Variants in AGBL1 observed in about 807,000 individuals in gnomAD.
AGBL1 encodes cytosolic carboxypeptidase 4.
AGBL1 carries 130 observed loss-of-function variants against 118.9 expected under a neutral mutation model. The ratio of observed to expected loss-of-function variants is 1.09; its 90% CI spans 0.95 to 1.26. AGBL1 has a LOEUF of 1.26. Ranked by LOEUF, AGBL1 falls within the 50% of genes most tolerant of loss-of-function variation. AGBL1 has a pLI of 0.00. For missense variants in AGBL1, 1,584 were observed against 1,298.1 expected (o/e 1.22, Z -3.38); for synonymous variants, 555 against 478.9 (o/e 1.16, Z -2.08).
intron 24 of AGBL1, among the ~76,000 whole-genome samples, chr15:87,014,729 C>T (rs1461751523): frequency 1.3e-5 from 2 of 152,132 alleles, no homozygotes; most frequent in South Asian, 2.1e-4. Flanking sequence ...TCTTTTATCA[C>T]TTGTACTGCC....
At chr15:86,535,462 G>T (rs973961771) in intron 19 of AGBL1, among the ~76,000 whole-genome samples, 1 of 152,188 alleles carries the variant, frequency 6.6e-6, no homozygotes, top group South Asian at 2.1e-4. Flanking sequence ...CAGCTGGCCT[G>T]GCCCCTGTGC....
chr15:86,692,945 T>A (rs1466951662), intron 22 of AGBL1, among the ~76,000 whole-genome samples: 1 of 152,196 alleles, frequency 6.6e-6, no homozygotes, highest in Non-Finnish European at 1.5e-5. Flanking sequence ...AATTTGTTCC[T>A]TTTTATGGCT....
intron 21 of AGBL1, among the ~76,000 whole-genome samples, chr15:86,583,163 A>ATT (rs201239673): frequency 6.6e-6 from 1 of 151,716 alleles, no homozygotes; most frequent in South Asian, 2.1e-4. Flanking sequence ...AAAAAAAAAA[A>ATT]TTCAACTTTT....
Position 86,735,922 on chromosome 15 carries a change from C to T in AGBL1, c.3158+61486C>T, listed in dbSNP as rs1203698164. Among the ~76,000 whole-genome samples the T allele has an allele frequency of 2.6e-5, 4 of 152,138 alleles. No homozygotes were observed. In the East Asian group the frequency reaches 7.8e-4, roughly 29 times the overall value. On this transcript the variant is annotated intron_variant, in intron 22 of 22. Coordinates refer to ENST00000614907, the MANE Select transcript of AGBL1 (RefSeq NM_001386094.1). ...AGATACGACTTTTATGCTCACTTTG[C>T]TCTTGATTCTCATTGCTTATTCATT...
chr15:86,673,639 T>C (rs1250124137), intron 21 of AGBL1, among the ~76,000 whole-genome samples: 2 of 152,280 alleles, frequency 1.3e-5, no homozygotes, highest in African/African-American at 2.4e-5. Context: ...CTTAGAAGGG[T>C]ATTTGGCATG....
intron 18 of AGBL1, among the ~76,000 whole-genome samples, chr15:86,409,816 G>A (rs1050563013): frequency 5.3e-5 from 8 of 151,982 alleles, no homozygotes; most frequent in African/African-American, 1.7e-4. Flanking sequence ...TTCATTGGCC[G>A]GGCAGCTTCT....
At chr15:86,163,126 A>C (rs1301202564) in intron 5 of AGBL1, among the ~76,000 whole-genome samples, 2 of 152,246 alleles carry the variant, frequency 1.3e-5, no homozygotes, top group Non-Finnish European at 2.9e-5. Flanking sequence ...CGCCTAGATA[A>C]TAATAGGCTC....
chr15:86,297,118 C>T (rs2079657753), intron 17 of AGBL1: 1 of 152,076 alleles, frequency 6.6e-6, no homozygotes, highest in African/African-American at 2.4e-5. Context: ...TCTCTTAGTA[C>T]ACCCTTATAT....
chr15:86,797,176 G>T (rs1011842160), intron 22 of AGBL1, among the ~76,000 whole-genome samples: 3 of 152,246 alleles, frequency 2.0e-5, no homozygotes, highest in African/African-American at 7.2e-5. Context: ...GCACATAGTA[G>T]TATTCACTCC....
intron 18 of AGBL1, among the ~76,000 whole-genome samples, chr15:86,474,587 C>G (rs997158212): frequency 7.9e-5 from 12 of 152,338 alleles, no homozygotes; most frequent in Non-Finnish European, 1.2e-4. Context: ...GAAGCTCGAA[C>G]TGGGTGGAGC....
At chr15:86,702,067 A>G (rs2086370051) in intron 22 of AGBL1, among the ~76,000 whole-genome samples, 1 of 150,994 alleles carries the variant, frequency 6.6e-6, no homozygotes, top group Non-Finnish European at 1.5e-5. Flanking sequence ...TGGTTGATCT[A>G]CTACAACAAA....
chr15:86,601,315 C>A (rs1196233129), intron 21 of AGBL1, among the ~76,000 whole-genome samples: 2 of 152,118 alleles, frequency 1.3e-5, no homozygotes, highest in East Asian at 3.8e-4. Context: ...AGTGACTGGG[C>A]AATACATTAT....
At chr15:86,226,364 T>A (rs951628282) in intron 6 of AGBL1, among the ~76,000 whole-genome samples, 3 of 152,138 alleles carry the variant, frequency 2.0e-5, no homozygotes, top group Admixed American at 2.0e-4. Flanking sequence ...CCTGTGAATG[T>A]CATGCCTTGG....
At chr15:86,230,294 C>T (rs2078434951) in intron 6 of AGBL1, among the ~76,000 whole-genome samples, 1 of 152,178 alleles carries the variant, frequency 6.6e-6, no homozygotes, top group African/African-American at 2.4e-5. Context: ...GATTGATGGC[C>T]AAATGGCTGC....
chr15:86,084,668 C>T (rs186958591), intron 1 of AGBL1, among the ~76,000 whole-genome samples: 39 of 152,320 alleles, frequency 2.6e-4, no homozygotes, highest in South Asian at 6.2e-4. Flanking sequence ...GAATTTTCTA[C>T]AGTAGAGGAA....
intron 5 of AGBL1, among the ~76,000 whole-genome samples, chr15:86,163,894 C>T (rs996194316): frequency 6.6e-6 from 1 of 152,214 alleles, no homozygotes; most frequent in African/African-American, 2.4e-5. Context: ...TGATACCAGG[C>T]TGGCTGCACA....
intron 17 of AGBL1, 33 bp from the exon 18 acceptor site, chr15:86,397,333 G>A (rs915324492): frequency 2.1e-6 from 3 of 1,407,944 alleles, no homozygotes; most frequent in Admixed American, 4.8e-5. Flanking sequence ...ATTAAAATTT[G>A]GGTTTAATTT....
At chr15:86,476,877 G>A (rs969460512) in intron 18 of AGBL1, among the ~76,000 whole-genome samples, 16 of 152,026 alleles carry the variant, frequency 1.1e-4, no homozygotes, top group South Asian at 2.1e-4. Context: ...TTATAACAAA[G>A]TGTCTCTCAG....
rs555903751 is a variant in AGBL1, at chr15:86,812,531, C to A, written c.3159-94556C>A. On this transcript the variant is annotated intron_variant, in intron 22 of 22. Transcript: ENST00000614907. Reference sequence around the variant, plus strand: ...CACAAGCCTCTTGAATCAGGATATCCTGTATTTCCCTTAATGATTGAACCC... The same window carrying A: ...CACAAGCCTCTTGAATCAGGATATCATGTATTTCCCTTAATGATTGAACCC... Among the ~76,000 whole-genome samples the A allele has an allele frequency of 2.5e-3, 376 of 152,292 alleles. 1 individual carries two copies. Among genetic ancestry groups the A allele is most frequent in the African/African-American group, 8.8e-3 (367 of 41,558 alleles).
Sources: gnomAD v4.1 joint callset for allele counts (sites outside exome capture counted in the v4.1 genomes callset) on GRCh38, gnomAD v4.1.1 for gene constraint, MANE v1.5 for transcripts, NCBI Gene and HGNC (gene_info 2026-07-23, HGNC 2026-07-21) for gene names.